Variants in APBA2 observed in about 807,000 individuals in gnomAD.
The protein encoded by APBA2 is amyloid-beta A4 precursor protein-binding family A member 2.
Under a neutral mutation model 75.0 loss-of-function variants are expected in APBA2, and 30 were observed. That is an observed-to-expected ratio of 0.40 (90% confidence interval 0.30 to 0.54). The LOEUF is 0.54. Ranked by LOEUF, APBA2 falls within the 20% of genes least tolerant of loss-of-function variation. The pLI, the probability that APBA2 is intolerant of heterozygous loss-of-function variation, is 0.49. For missense variants in APBA2, 801 were observed against 1,016.1 expected, an observed-to-expected ratio of 0.79 and a Z score of 2.88; for synonymous variants, 444 against 409.6, an observed-to-expected ratio of 1.08 and a Z score of -1.01.
chr15:28,906,220 A>G (rs2033126139), intron 1 of APBA2, among the ~76,000 whole-genome samples: 1 of 152,216 alleles, frequency 6.6e-6, no homozygotes, highest in African/African-American at 2.4e-5. Context: ...TAAGTTCTGG[A>G]ATACACCTGC....
At chr15:28,994,787 G>GTCCT (rs2038422005) in intron 2 of APBA2, among the ~76,000 whole-genome samples, 1 of 152,180 alleles carries the variant, frequency 6.6e-6, no homozygotes, top group Non-Finnish European at 1.5e-5. Context: ...TGTTGCCTGT[G>GTCCT]TCCTGTTTCC....
In APBA2 at chr15:29,033,821, C is replaced by T. The variant is rs533824853; in HGVS notation, c.-40-20024C>T. Among the ~76,000 whole-genome samples the T allele has an allele frequency of 8.6e-5, 13 of 151,838 alleles. No homozygotes were observed. The South Asian group carries it at 2.3e-3, about 27-fold the overall frequency. ...CTAAAAATATTTTTAAAAAATTAGC[C>T]GAGCGTGGTGGCGGGCGCCTGTAGT... is the stretch of plus-strand genomic sequence containing the variant. On this transcript the variant is annotated intron_variant, in intron 3 of 14. Transcript: ENST00000683413.
At chr15:28,932,270 C>T (rs957060492) in intron 2 of APBA2, among the ~76,000 whole-genome samples, 1 of 152,222 alleles carries the variant, frequency 6.6e-6, no homozygotes, top group African/African-American at 2.4e-5. Flanking sequence ...GCACCTGGAG[C>T]ACCCCTGCAG....
At chr15:28,923,985 A>C (rs1353329351) in intron 2 of APBA2, among the ~76,000 whole-genome samples, 1 of 152,214 alleles carries the variant, frequency 6.6e-6, no homozygotes, top group South Asian at 2.1e-4. Flanking sequence ...TTTCAAGAGA[A>C]GATGCAGAAA....
Position 29,106,792 on chromosome 15 carries a change from C to T in APBA2, c.1890C>T (p.Pro630=), listed in dbSNP as rs774395235. 1.2e-6 allele frequency: 2 copies of T among 1,612,900 alleles called. No individual in the cohort carries two copies. Among genetic ancestry groups the T allele is most frequent in the South Asian group, 2.2e-5 (2 of 91,082 alleles). Residue 630 remains proline (P), a synonymous_variant, in exon 12 of 15, where the codon CCC becomes CCT. Transcript: ENST00000683413. The part of the protein sequence containing the change: ...SINGTSLVGL[P]LATCQGIIKG... ...ATGGCACCAGCCTGGTGGGGCTGCC[C>T]CTCGCCACCTGCCAAGGCATCATCA...
chr15:28,949,366 G>A (rs2035727200), intron 2 of APBA2, among the ~76,000 whole-genome samples: 1 of 152,200 alleles, frequency 6.6e-6, no homozygotes, highest in South Asian at 2.1e-4. Context: ...GGTATCTGCG[G>A]AAGAGCACTT....
chr15:29,074,726 T>C (rs1288818119), intron 4 of APBA2, among the ~76,000 whole-genome samples, 195 bp from the exon 5 acceptor site: 3 of 152,198 alleles, frequency 2.0e-5, no homozygotes, highest in African/African-American at 4.8e-5. Flanking sequence ...TAAAATAACT[T>C]TTTTAGAAGT....
chr15:29,028,123 T>C (rs746196774), intron 3 of APBA2, among the ~76,000 whole-genome samples: 2 of 152,026 alleles, frequency 1.3e-5, no homozygotes, highest in Non-Finnish European at 2.9e-5. Flanking sequence ...CCCACATGCA[T>C]AAGCTGTTTT....
At chr15:29,050,979 G>A (rs1226329742) in intron 3 of APBA2, among the ~76,000 whole-genome samples, 1 of 74,904 alleles carries the variant, frequency 1.3e-5, no homozygotes, top group South Asian at 2.6e-4. Context: ...CCGTCCTGAC[G>A]TCAAGACATG....
intron 1 of APBA2, among the ~76,000 whole-genome samples, chr15:28,907,008 A>G (rs1313743726): frequency 1.3e-5 from 2 of 152,200 alleles, no homozygotes; most frequent in Non-Finnish European, 1.5e-5. Context: ...TGTTAAATCT[A>G]TCAAGCTTGC....
intron 4 of APBA2, among the ~76,000 whole-genome samples, chr15:29,058,514 A>G (rs930122652): frequency 6.6e-6 from 1 of 150,790 alleles, no homozygotes; most frequent in Non-Finnish European, 1.5e-5. Context: ...CCCACCTCCA[A>G]AAAAAAAAGA....
intron 2 of APBA2, among the ~76,000 whole-genome samples, chr15:28,968,700 C>G (rs1393190498): frequency 4.6e-5 from 7 of 152,202 alleles, no homozygotes; most frequent in Non-Finnish European, 1.0e-4. Context: ...CATCTCAGAA[C>G]CTGCCCTTAT....
chr15:28,908,077 G>A (rs1345356328), intron 1 of APBA2, among the ~76,000 whole-genome samples: 5 of 152,154 alleles, frequency 3.3e-5, no homozygotes, highest in African/African-American at 4.8e-5. Flanking sequence ...GCCTGTGCCC[G>A]TGACCTGGCT....
chr15:28,944,698 A>G (rs2035443285), intron 2 of APBA2, among the ~76,000 whole-genome samples: 1 of 152,222 alleles, frequency 6.6e-6, no homozygotes, highest in African/African-American at 2.4e-5. Flanking sequence ...TACTGTGCAG[A>G]GATACGTGCA....
chr15:28,900,959 C>T (rs1051698532), intron 1 of APBA2, among the ~76,000 whole-genome samples: 6 of 152,238 alleles, frequency 3.9e-5, no homozygotes, highest in African/African-American at 1.4e-4. Context: ...TGGATCCCAG[C>T]ACCTGGCACA....
At chr15:28,950,749 G>T (rs975102901) in intron 2 of APBA2, among the ~76,000 whole-genome samples, 4 of 152,178 alleles carry the variant, frequency 2.6e-5, no homozygotes, top group African/African-American at 9.7e-5. Context: ...CTCCTTCATG[G>T]GGGGTGGGGA....
In APBA2 at chr15:29,117,275, C is replaced by A; in HGVS notation, c.*142C>A. ...CTCCCCAAAGGGTGTGCCCTCACCA[C>A]CCACTTGATTTTTTTCATTTTGCCA... On this transcript the variant is annotated 3_prime_UTR_variant, in exon 15 of 15. Transcript: ENST00000683413. 2.8e-6 allele frequency: 2 copies of A among 716,084 alleles called. No individual in the cohort carries two copies. Among genetic ancestry groups the A allele is most frequent in the Non-Finnish European group, 4.8e-6 (2 of 415,870 alleles). 44.4% of individuals were successfully genotyped at this position (716,084 alleles called of 1,614,324 possible).
At chr15:29,045,430 C>T (rs997558133) in intron 3 of APBA2, among the ~76,000 whole-genome samples, 10 of 151,850 alleles carry the variant, frequency 6.6e-5, no homozygotes, top group Admixed American at 1.3e-4. Context: ...CTCATGAGCT[C>T]CACCCTCATG....
intron 4 of APBA2, among the ~76,000 whole-genome samples, chr15:29,057,654 A>C (rs922446764): frequency 6.6e-6 from 1 of 152,200 alleles, no homozygotes; most frequent in Non-Finnish European, 1.5e-5. Flanking sequence ...GTCACCATAT[A>C]ATTTTCATGA....
Sources: gnomAD v4.1 joint callset for allele counts (sites outside exome capture counted in the v4.1 genomes callset) on GRCh38, gnomAD v4.1.1 for gene constraint, MANE v1.5 for transcripts, NCBI Gene and HGNC (gene_info 2026-07-23, HGNC 2026-07-21) for gene names.